The following SDK1 variants were observed in gnomAD, a reference collection of about 807,000 sequenced individuals.
The protein encoded by SDK1 is sidekick cell adhesion molecule 1, also known as protein sidekick-1.
SDK1 carries 157 observed loss-of-function variants against 245.5 expected under a neutral mutation model. That is an observed-to-expected ratio of 0.64 (90% confidence interval 0.56 to 0.73). The LOEUF (loss-of-function observed/expected upper bound fraction) is 0.73. Among genes scored for constraint, SDK1 ranks in the 30% least tolerant of loss-of-function variants. SDK1 has a pLI of 0.00. For missense variants in SDK1, 3,583 were observed against 3,002.3 expected (o/e 1.19, Z -4.52); for synonymous variants, 1,647 against 1,278.5 (o/e 1.29, Z -6.15).
At chr7:3,556,239 G>T (rs901770989) in intron 1 of SDK1, among the ~76,000 whole-genome samples, 2 of 152,098 alleles carry the variant, frequency 1.3e-5, no homozygotes. Context: ...CAGCCATAAA[G>T]AAAAATGAGA....
intron 38 of SDK1, among the ~76,000 whole-genome samples, chr7:4,211,012 G>A (rs145447702): frequency 1.3e-5 from 2 of 152,164 alleles, no homozygotes; most frequent in African/African-American, 4.8e-5. Context: ...GGTGGTGCTG[G>A]TGGCTGGAGC....
At chr7:4,181,435 G>C (rs1418411928) in intron 35 of SDK1, among the ~76,000 whole-genome samples, 1 of 152,220 alleles carries the variant, frequency 6.6e-6, no homozygotes, top group Non-Finnish European at 1.5e-5. Flanking sequence ...GCAGTGCAGA[G>C]CTGAGACAGC....
chr7:3,669,839 C>T (rs1783642104), intron 4 of SDK1, among the ~76,000 whole-genome samples: 1 of 152,194 alleles, frequency 6.6e-6, no homozygotes, highest in South Asian at 2.1e-4. Flanking sequence ...GCTTCATACT[C>T]AGTAGGTTGA....
intron 1 of SDK1, among the ~76,000 whole-genome samples, chr7:3,560,910 T>G (rs1004570102): frequency 1.3e-5 from 2 of 152,204 alleles, no homozygotes; most frequent in African/African-American, 2.4e-5. Context: ...CTTTGAGTCT[T>G]TTCTCAAAAC....
At chr7:4,263,564 G>A (rs546126483) in intron 44 of SDK1, among the ~76,000 whole-genome samples, 4 of 69,784 alleles carry the variant, frequency 5.7e-5, no homozygotes, top group South Asian at 4.7e-4. Flanking sequence ...GGGAGGCCGC[G>A]TAGACCTCTC....
chr7:3,733,818 G>T (rs76282719), intron 4 of SDK1, among the ~76,000 whole-genome samples: 11,940 of 152,164 alleles, frequency 0.078, 535 homozygotes, highest in Middle Eastern at 0.12. Flanking sequence ...TCATAACGCC[G>T]ATTATGACTA....
intron 1 of SDK1, among the ~76,000 whole-genome samples, chr7:3,502,174 G>A (rs1233183676): frequency 6.6e-6 from 1 of 151,874 alleles, no homozygotes; most frequent in African/African-American, 2.4e-5. Context: ...CTTCTTCAAA[G>A]AATTTTGACA....
intron 5 of SDK1, among the ~76,000 whole-genome samples, chr7:3,914,195 G>C (rs543414746): frequency 6.6e-6 from 1 of 152,284 alleles, no homozygotes; most frequent in African/African-American, 2.4e-5. Flanking sequence ...ATCATAATTA[G>C]GTGCAAGTTG....
At position 4,266,448 on chromosome 7, in the gene SDK1, C is replaced by A; in HGVS notation, c.*1064C>A. The A allele has an allele frequency of 1.0e-6, 1 of 985,412 alleles. No homozygotes were observed. Among genetic ancestry groups the A allele is most frequent in the Non-Finnish European group, 1.2e-6 (1 of 829,910 alleles). The allele number at this position is 985,412 out of a possible 1,614,324, so 61.0% of individuals were successfully genotyped here. Reference sequence around the variant, plus strand: ...CCTCGTGCACACCAGGCCGTCCCCTCCCTCTGTCCTGGCTTCTGCTGGCTG... The same window carrying A: ...CCTCGTGCACACCAGGCCGTCCCCTACCTCTGTCCTGGCTTCTGCTGGCTG... On this transcript the variant is annotated 3_prime_UTR_variant, in exon 45 of 45. Transcript: ENST00000404826.
intron 1 of SDK1, among the ~76,000 whole-genome samples, chr7:3,348,423 C>CTG: frequency 1.3e-5 from 2 of 152,246 alleles, no homozygotes; most frequent in South Asian, 4.1e-4. Context: ...GTGGGTGCAG[C>CTG]TGGAGGTTGT....
chr7:4,265,194 C>T lies in SDK1; in HGVS notation c.6452C>T (p.Thr2151Ile), dbSNP rs769762152. 1.7e-5 allele frequency: 28 copies of T among 1,611,980 alleles called. No individual in the cohort carries two copies. Among genetic ancestry groups the T allele is most frequent in the Non-Finnish European group, 2.3e-5 (27 of 1,179,652 alleles). ...GTGAACCACTACATGAGCGACCCCACCTACTACAACTCATGGAAGCGCAGG... is the reference window on the plus strand; with the variant it reads ...GTGAACCACTACATGAGCGACCCCATCTACTACAACTCATGGAAGCGCAGG... The part of the protein sequence containing the change: ...SFVNHYMSDP[T>I]YYNSWKRRAQ... The change falls in exon 45 of 45, where the codon ACC becomes ATC. Residue 2151 changes from threonine to isoleucine, a missense_variant. Physicochemically the swap from Thr to Ile is moderately conservative, Grantham distance 89. Coordinates refer to ENST00000404826, the MANE Select transcript of SDK1 (RefSeq NM_152744.4).
intron 1 of SDK1, among the ~76,000 whole-genome samples, chr7:3,553,815 G>C (rs1401811175): frequency 6.6e-6 from 1 of 152,136 alleles, no homozygotes; most frequent in Non-Finnish European, 1.5e-5. Flanking sequence ...AATCCATTCT[G>C]TGGGCCTGAA....
intron 4 of SDK1, among the ~76,000 whole-genome samples, chr7:3,773,788 G>C (rs1488182800): frequency 6.6e-6 from 1 of 152,122 alleles, no homozygotes; most frequent in Non-Finnish European, 1.5e-5. Flanking sequence ...GGTCTTTTCT[G>C]AGCCTCTGCC....
At position 3,680,326 on chromosome 7, in the gene SDK1, C is replaced by T. The variant is rs189515531; in HGVS notation, c.713+38221C>T. 7.2e-5 allele frequency among the ~76,000 whole-genome samples: 11 copies of T among 152,134 alleles called. No homozygotes were observed. The East Asian group carries it at 9.6e-4, about 13-fold the overall frequency. On this transcript the variant is annotated intron_variant, in intron 4 of 44. Coordinates refer to ENST00000404826, the MANE Select transcript of SDK1 (RefSeq NM_152744.4). The stretch of plus-strand genomic sequence containing the variant: ...GCTTGAGAGGGGAGGTGAGGGGAGA[C>T]GGCTGGATGTGAATTTAGGTGGACA...
At chr7:3,997,681 C>T (rs1583776904) in intron 14 of SDK1, among the ~76,000 whole-genome samples, 3 of 152,076 alleles carry the variant, frequency 2.0e-5, no homozygotes, top group South Asian at 2.1e-4. Flanking sequence ...GAAGTGCATG[C>T]GGATTGGTCA....
At chr7:3,306,230 A>G (rs554140156) in intron 1 of SDK1, among the ~76,000 whole-genome samples, 1 of 152,354 alleles carries the variant, frequency 6.6e-6, no homozygotes, top group East Asian at 1.9e-4. Context: ...CATAATTTGG[A>G]AAATAGAGAT....
At chr7:3,399,925 T>A (rs142355044) in intron 1 of SDK1, among the ~76,000 whole-genome samples, 3 of 152,282 alleles carry the variant, frequency 2.0e-5, no homozygotes, top group African/African-American at 7.2e-5. Context: ...AGCTGTGGTG[T>A]TAATCAATTG....
At chr7:3,746,027 T>A (rs1779607401) in intron 4 of SDK1, among the ~76,000 whole-genome samples, 1 of 152,152 alleles carries the variant, frequency 6.6e-6, no homozygotes, top group African/African-American at 2.4e-5. Context: ...GCAGGGCTAG[T>A]AAGAGTACCT....
chr7:4,120,383 A>G (rs73046502), intron 25 of SDK1, among the ~76,000 whole-genome samples: 50,359 of 148,088 alleles, frequency 0.34, 11,562 homozygotes, highest in South Asian at 0.47. Flanking sequence ...GTGAAAGGCA[A>G]ATAATCACAA....
Sources: allele counts gnomAD v4.1 joint callset (sites outside exome capture counted in the v4.1 genomes callset), GRCh38; gene constraint gnomAD v4.1.1; transcripts MANE v1.5; gene names NCBI Gene and HGNC (gene_info 2026-07-23, HGNC 2026-07-21).